FREM3: variants seen among roughly 807,000 people sequenced by gnomAD.
The protein encoded by FREM3 is FRAS1 related extracellular matrix 3, also known as FRAS1-related extracellular matrix protein 3.
FREM3 carries 105 observed loss-of-function variants against 129.1 expected under a neutral mutation model. The observed-to-expected ratio is 0.81, with a 90% CI of 0.69 to 0.96. FREM3 has a LOEUF of 0.96. Ranked by LOEUF, FREM3 falls within the 40% of genes least tolerant of loss-of-function variation. The pLI, the probability that FREM3 is intolerant of heterozygous loss-of-function variation, is 0.00. For synonymous variants in FREM3, 1,014 were observed against 1,044.9 expected, an observed-to-expected ratio of 0.97 and a Z score of 0.57; for missense variants, 2,593 against 2,666.3, an observed-to-expected ratio of 0.97 and a Z score of 0.61.
At chr4:143,685,956 C>A (rs895374550) in intron 2 of FREM3, among the ~76,000 whole-genome samples, 1 of 151,970 alleles carries the variant, frequency 6.6e-6, no homozygotes, top group Non-Finnish European at 1.5e-5. Context: ...ATGTGTATAC[C>A]CATGTAACAA....
intron 4 of FREM3, among the ~76,000 whole-genome samples, chr4:143,621,384 A>G (rs1738948964): frequency 1.3e-5 from 2 of 152,206 alleles, no homozygotes; most frequent in African/African-American, 4.8e-5. Context: ...GTTAGAAAGG[A>G]CAGCCAGCAT....
intron 6 of FREM3, among the ~76,000 whole-genome samples, chr4:143,610,053 G>A (rs902907852): frequency 5.3e-5 from 8 of 152,088 alleles, no homozygotes; most frequent in Non-Finnish European, 1.0e-4. Flanking sequence ...TAATTCCAAT[G>A]AAGAAATTTT....
intron 2 of FREM3, among the ~76,000 whole-genome samples, chr4:143,642,675 T>G (rs937988874): frequency 6.6e-6 from 1 of 152,182 alleles, no homozygotes. Flanking sequence ...CTCACAACTA[T>G]GCAACTACTG....
intron 2 of FREM3, among the ~76,000 whole-genome samples, chr4:143,634,756 G>A (rs938079580): frequency 2.0e-5 from 3 of 152,110 alleles, no homozygotes; most frequent in African/African-American, 7.2e-5. Context: ...GGCTCGTTGT[G>A]TGAGGGTCAG....
At chr4:143,590,720 C>T (rs1299360068) in intron 6 of FREM3, among the ~76,000 whole-genome samples, 2 of 152,102 alleles carry the variant, frequency 1.3e-5, no homozygotes, top group Non-Finnish European at 2.9e-5. Flanking sequence ...GTGTCTCTGC[C>T]AGGCTTTGGT....
intron 2 of FREM3, among the ~76,000 whole-genome samples, chr4:143,663,809 T>C (rs966765665): frequency 1.3e-5 from 2 of 152,090 alleles, no homozygotes; most frequent in African/African-American, 4.8e-5. Flanking sequence ...TCTCTAAACT[T>C]CCCTTCTCGC....
intron 2 of FREM3, among the ~76,000 whole-genome samples, chr4:143,669,270 A>G (rs1318688205): frequency 6.6e-6 from 1 of 152,164 alleles, no homozygotes; most frequent in Non-Finnish European, 1.5e-5. Flanking sequence ...TCATAACTCT[A>G]TTCTTAGCTG....
chr4:143,603,644 GA>G (rs904140536), intron 6 of FREM3, among the ~76,000 whole-genome samples: 5 of 150,380 alleles, frequency 3.3e-5, no homozygotes, highest in East Asian at 1.9e-4. Context: ...ATATGAGAAA[GA>G]AAAAAAAACC....
chr4:143,688,766 A>G (rs1740413265), intron 2 of FREM3, among the ~76,000 whole-genome samples: 1 of 152,128 alleles, frequency 6.6e-6, no homozygotes, highest in African/African-American at 2.4e-5. Flanking sequence ...CAAAAAACAT[A>G]CAGTGGGGAA....
chr4:143,694,998 C>A (rs1384852568), intron 1 of FREM3, among the ~76,000 whole-genome samples: 1 of 152,142 alleles, frequency 6.6e-6, no homozygotes, highest in Non-Finnish European at 1.5e-5. Flanking sequence ...CTCAGGCAAA[C>A]ATAGTTCTGT....
intron 5 of FREM3, among the ~76,000 whole-genome samples, chr4:143,615,870 C>T (rs1428440692): frequency 1.3e-5 from 2 of 152,180 alleles, no homozygotes; most frequent in South Asian, 4.1e-4. Context: ...TGCACTATCA[C>T]CATTGCAGGT....
rs1377448231 is a variant in FREM3, at chr4:143,693,114, A to G, written c.5274T>C (p.Asn1758=). Residue 1758 remains asparagine, a splice_region_variant and synonymous_variant, in exon 2 of 8, where the codon AAT becomes AAC. Transcript: ENST00000329798. ...TTTGAAGGGTTTATTATGACTTACC[A>G]TTGTCTTCAACAGAGAAATAGAAGA... The part of the protein sequence containing the change: ...KDIFYFSVED[N]GGNKLTNQPF... 6.8e-7 allele frequency: 1 copy of G among 1,463,856 alleles called. No individual in the cohort carries two copies. The highest frequency in any genetic ancestry group is 9.1e-7 in the Non-Finnish European group (1 of 1,093,486). 90.7% of individuals were successfully genotyped at this position (1,463,856 alleles called of 1,614,324 possible).
In FREM3 at chr4:143,696,022, T is replaced by G. The variant is rs1420224013; in HGVS notation, c.4654A>C (p.Ser1552Arg). 6.5e-7 allele frequency: 1 copy of G among 1,537,918 alleles called. No individual in the cohort carries two copies. The highest frequency in any genetic ancestry group is 1.2e-5 in the South Asian group (1 of 84,062). ...AACTCAAGGAGAGTGATCAGTTGGC[T>G]ATCCTCTTTCTGTAGTGTTAGTCTA... The part of the protein sequence containing the change: ...IHRLTLQKED[S>R]QLITLLELTV... Residue 1552 changes from serine to arginine, a missense_variant, in exon 1 of 8, where the codon AGC becomes CGC. Ser to Arg is a moderately radical substitution (Grantham distance 110). Coordinates refer to ENST00000329798, the MANE Select transcript of FREM3 (RefSeq NM_001168235.2).
At chr4:143,589,525 A>G (rs936103302) in intron 6 of FREM3, among the ~76,000 whole-genome samples, 5 of 152,040 alleles carry the variant, frequency 3.3e-5, no homozygotes, top group African/African-American at 1.2e-4. Flanking sequence ...TGTTTTTCTC[A>G]GGTTTGGCAA....
chr4:143,583,164 G>A lies in FREM3; in HGVS notation c.6178+2680C>T, dbSNP rs75191434. On this transcript the variant is annotated intron_variant, in intron 7 of 7. Coordinates refer to ENST00000329798, the MANE Select transcript of FREM3 (RefSeq NM_001168235.2). ...GATTACAGATGAGAGCCACTGTGCCGGGCCAATTGCAAGTATTAACAACAG... is the reference window on the plus strand; with the variant it reads ...GATTACAGATGAGAGCCACTGTGCCAGGCCAATTGCAAGTATTAACAACAG... Among the ~76,000 whole-genome samples, 1,029 of 152,074 alleles carry A rather than the reference G, an allele frequency of 6.8e-3. 4 individuals are homozygous for A. Among genetic ancestry groups the A allele is most frequent in the South Asian group, 0.011 (51 of 4,816 alleles).
chr4:143,682,819 T>C (rs545002104), intron 2 of FREM3, among the ~76,000 whole-genome samples: 1 of 152,338 alleles, frequency 6.6e-6, no homozygotes, highest in East Asian at 1.9e-4. Flanking sequence ...AATGGTTCAA[T>C]GTTTCCCAAA....
intron 2 of FREM3, among the ~76,000 whole-genome samples, chr4:143,668,211 T>C (rs1211718020): frequency 2.0e-5 from 3 of 152,008 alleles, no homozygotes. Flanking sequence ...ACATGATGAG[T>C]ATCCAGAGCT....
chr4:143,679,523 A>G (rs1342863966), intron 2 of FREM3, among the ~76,000 whole-genome samples: 2 of 152,212 alleles, frequency 1.3e-5, no homozygotes, highest in East Asian at 3.8e-4. Flanking sequence ...ATAAAAGAAA[A>G]ACAATAAAAT....
At chr4:143,580,406 C>T (rs1738110061) in intron 7 of FREM3, among the ~76,000 whole-genome samples, 2 of 152,132 alleles carry the variant, frequency 1.3e-5, no homozygotes, top group Admixed American at 1.3e-4. Context: ...ACCCTGGGCT[C>T]TGGAAATCCC....
Sources: gnomAD v4.1 joint callset for allele counts (sites outside exome capture counted in the v4.1 genomes callset) on GRCh38, gnomAD v4.1.1 for gene constraint, MANE v1.5 for transcripts, NCBI Gene and HGNC (gene_info 2026-07-23, HGNC 2026-07-21) for gene names.